The following PSMF1 variants were observed in gnomAD, a reference collection of about 807,000 sequenced individuals.
The protein encoded by PSMF1 is proteasome inhibitor subunit 1.
PSMF1 carries 30 observed loss-of-function variants against 29.3 expected under a neutral mutation model. The ratio of observed to expected loss-of-function variants is 1.02; its 90% confidence interval spans 0.77 to 1.39. The LOEUF is 1.39. Ranked by LOEUF, PSMF1 falls within the 40% of genes most tolerant of loss-of-function variation. PSMF1 has a pLI of 0.00. For missense variants in PSMF1, 344 were observed against 357.5 expected (o/e 0.96, Z 0.31); for synonymous variants, 134 against 139.7 (o/e 0.96, Z 0.29).
chr20:1,125,744 G>A, intron 2 of PSMF1, 94 bp downstream of exon 2: 3 of 1,463,080 alleles, frequency 2.1e-6, no homozygotes, highest in East Asian at 2.3e-5. Flanking sequence ...GAGCTTCAAT[G>A]TTCATGTAGC....
chr20:1,119,132 G>A (rs761689683), intron 1 of PSMF1, among the ~76,000 whole-genome samples: 8 of 152,282 alleles, frequency 5.3e-5, no homozygotes, highest in South Asian at 2.1e-4. Flanking sequence ...ACTCAAGGGC[G>A]GACACTCGCT....
rs899469718 is a variant in PSMF1, at chr20:1,167,010, T to C, written c.*1930T>C. On this transcript the variant is annotated 3_prime_UTR_variant, in exon 7 of 7. Transcript: ENST00000335877. ...TTTCTAGCAGCAAAGTCCGAAAAGA[T>C]AGTTATATACAAAATTCTGTTTTCT... 2.0e-5 allele frequency: 3 copies of C among 152,224 alleles called. No individual in the cohort carries two copies. Among genetic ancestry groups the C allele is most frequent in the Non-Finnish European group, 4.4e-5 (3 of 68,036 alleles). 9.4% of individuals were successfully genotyped at this position (152,224 alleles called of 1,614,324 possible).
rs796802123 is a variant in PSMF1 at position 1,165,039 on chromosome 20, G to A, written c.775G>A (p.Asp259Asn). 6.2e-6 allele frequency: 10 copies of A among 1,613,836 alleles called. No homozygotes were observed. Among genetic ancestry groups the A allele is most frequent in the Admixed American group, 5.0e-5 (3 of 59,982 alleles). The stretch of plus-strand genomic sequence containing the variant: ...CTCTTTCCATTCCAGACCTAACCCA[G>A]ACCATCTCCCCCCGCCGGGCTACGA... ...IGTSPPGPNP[D>N]HLPPPGYDDM... is the part of the protein sequence containing the mutation. The change falls in exon 7 of 7, where the codon GAC becomes AAC. Residue 259 changes from aspartate to asparagine, a missense_variant. Coordinates refer to ENST00000335877, the MANE Select transcript of PSMF1 (RefSeq NM_006814.5).
intron 3 of PSMF1, among the ~76,000 whole-genome samples, chr20:1,132,970 T>G (rs1311969443): frequency 2.3e-4 from 2 of 8,778 alleles, no homozygotes; most frequent in Non-Finnish European, 4.7e-4. Context: ...GGTTTTTTTG[T>G]TTTTTTTTTT....
rs1600176446 is a variant in PSMF1, at chr20:1,163,432, T to TC, written c.605+254dup. On this transcript the variant is annotated intron_variant, in intron 5 of 6. Coordinates refer to ENST00000335877, the MANE Select transcript of PSMF1 (RefSeq NM_006814.5). This position sits in a 1 kb window ranked among gnomAD's most constrained non-coding sequence, Gnocchi z 6.1. ...AGGCAGCTCTTCTGCCATTTCCCGG[T>TC]CCCCCTGCCCACCCTAGTTTATCAG... is the stretch of plus-strand genomic sequence containing the variant. 6.6e-6 allele frequency among the ~76,000 whole-genome samples: 1 copy of TC among 152,206 alleles called. No homozygotes were observed. The highest frequency in any genetic ancestry group is 1.9e-4 in the East Asian group (1 of 5,180).
chr20:1,114,165 C>T (rs1342673311), upstream of PSMF1, among the ~76,000 whole-genome samples: 1 of 152,226 alleles, frequency 6.6e-6, no homozygotes, highest in Non-Finnish European at 1.5e-5. Flanking sequence ...CCAGAAGCAG[C>T]TCTCAGCCTG....
At chr20:1,138,966 G>A (rs1252519798) in intron 4 of PSMF1, among the ~76,000 whole-genome samples, 8 of 152,234 alleles carry the variant, frequency 5.3e-5, no homozygotes, top group African/African-American at 1.7e-4. Context: ...ATTTGAGGTC[G>A]GGAGTTCAAG....
chr20:1,143,584 A>T (rs1038766886), intron 4 of PSMF1, among the ~76,000 whole-genome samples: 3 of 152,230 alleles, frequency 2.0e-5, no homozygotes, highest in Non-Finnish European at 2.9e-5. Flanking sequence ...GAGTTCTTAG[A>T]TACAGCACTA....
chr20:1,129,212 C>CTGT (rs1266795070), intron 3 of PSMF1, among the ~76,000 whole-genome samples: 4 of 152,016 alleles, frequency 2.6e-5, no homozygotes, highest in Non-Finnish European at 2.9e-5. Context: ...CAGGGTTTTG[C>CTGT]TGTTGGCCAG....
At chr20:1,153,170 G>A (rs1455745459) in intron 4 of PSMF1, among the ~76,000 whole-genome samples, 1 of 152,146 alleles carries the variant, frequency 6.6e-6, no homozygotes, top group African/African-American at 2.4e-5. Context: ...AACTCAAAGT[G>A]TAAGGCCAGT....
intron 4 of PSMF1, among the ~76,000 whole-genome samples, chr20:1,157,283 C>T (rs1256076343): frequency 6.6e-6 from 1 of 152,174 alleles, no homozygotes; most frequent in Non-Finnish European, 1.5e-5. Context: ...CACCCAGGAT[C>T]AATATTTTGT....
In PSMF1 at chr20:1,163,345, C is replaced by T. The variant is rs1397421727; in HGVS notation, c.605+162C>T. On this transcript the variant is annotated intron_variant, in intron 5 of 6. Coordinates refer to ENST00000335877, the MANE Select transcript of PSMF1 (RefSeq NM_006814.5). The surrounding 1 kb of genome is among the most constrained non-coding windows in gnomAD (Gnocchi z 6.1). ...GAAAGCACTGCCACATACGCTGCCC[C>T]TCCACACCTAGAGCGGTGCAGGAGA... 1.3e-5 allele frequency among the ~76,000 whole-genome samples: 2 copies of T among 152,220 alleles called. No homozygotes were observed. The highest frequency in any genetic ancestry group is 2.9e-5 in the Non-Finnish European group (2 of 68,040).
intron 4 of PSMF1, among the ~76,000 whole-genome samples, chr20:1,147,737 A>G (rs2086472729): frequency 2.0e-5 from 3 of 152,098 alleles, no homozygotes; most frequent in South Asian, 2.1e-4. Context: ...CCATTTGTCC[A>G]TGAGCTCAGA....
intron 1 of PSMF1, among the ~76,000 whole-genome samples, chr20:1,121,644 G>T (rs1277271097): frequency 6.6e-6 from 1 of 152,182 alleles, no homozygotes; most frequent in Non-Finnish European, 1.5e-5. Context: ...GGGGTGATAA[G>T]AAGGAGAGGA....
At chr20:1,152,205 T>C (rs1199692836) in intron 4 of PSMF1, among the ~76,000 whole-genome samples, 1 of 152,230 alleles carries the variant, frequency 6.6e-6, no homozygotes, top group Non-Finnish European at 1.5e-5. Flanking sequence ...ACAATATCTT[T>C]TAAGCCTCAT....
rs199540229 is a variant in PSMF1, at chr20:1,125,639, C to T, written c.271C>T (p.Leu91Phe). The change falls in exon 2 of 7, where the codon CTC becomes TTC. Residue 91 changes from leucine (L) to phenylalanine (F), a missense_variant. Transcript: ENST00000335877. ...CATCACCGTGGAGAGCAGCATGATC[C>T]TCAATGTGCTGGTGAGTCTCTGGGA... Reference protein sequence around the residue: ...KAITVESSMILNVLEYGSQQV... With the variant: ...KAITVESSMIFNVLEYGSQQV... 9 of 1,611,812 alleles carry T rather than the reference C, an allele frequency of 5.6e-6. No individual in the cohort carries two copies. The highest frequency in any genetic ancestry group is 7.6e-6 in the Non-Finnish European group (9 of 1,178,970).
At chr20:1,157,673 C>T (rs780585674) in intron 4 of PSMF1, among the ~76,000 whole-genome samples, 5 of 152,060 alleles carry the variant, frequency 3.3e-5, no homozygotes, top group Non-Finnish European at 5.9e-5. Flanking sequence ...CAGCTGGTCA[C>T]GTGGTCGTAG....
chr20:1,139,707 T>C (rs909475049), intron 4 of PSMF1, among the ~76,000 whole-genome samples: 4 of 147,784 alleles, frequency 2.7e-5, no homozygotes. Context: ...ATTGCACCAC[T>C]GCACTCCAGC....
rs1204192412 is a variant in PSMF1, at chr20:1,167,173, G to A, written c.*2093G>A. The A allele has an allele frequency of 6.6e-6, 1 of 152,054 alleles. No homozygotes were observed. The highest frequency in any genetic ancestry group is 1.9e-4 in the East Asian group (1 of 5,180). The allele number at this position is 152,054 out of a possible 1,614,324, so 9.4% of individuals were successfully genotyped here. A position where few individuals can be genotyped will look rare whatever the true frequency, so the allele number is the denominator to read the frequency against. On this transcript the variant is annotated 3_prime_UTR_variant, in exon 7 of 7. Coordinates refer to ENST00000335877, the MANE Select transcript of PSMF1 (RefSeq NM_006814.5). Reference sequence around the variant, plus strand: ...GAATAGAGCCTTTAGGAACTTCCTGGTCAAGCTTATGGTGCTTATTTTGAT... The same window carrying A: ...GAATAGAGCCTTTAGGAACTTCCTGATCAAGCTTATGGTGCTTATTTTGAT...
Sources: allele counts gnomAD v4.1 joint callset (sites outside exome capture counted in the v4.1 genomes callset), GRCh38; gene constraint gnomAD v4.1.1; non-coding constraint Gnocchi (gnomAD v3.1); transcripts MANE v1.5; gene names NCBI Gene and HGNC (gene_info 2026-07-23, HGNC 2026-07-21).